MAPK14: variants seen among roughly 807,000 people sequenced by gnomAD.
MAPK14 encodes mitogen-activated protein kinase 14.
Under a neutral mutation model 49.6 loss-of-function variants are expected in MAPK14, and 16 were observed. The observed-to-expected ratio is 0.32, with a 90% CI of 0.22 to 0.49. MAPK14 has a LOEUF of 0.49. Among genes scored for constraint, MAPK14 ranks in the 20% least tolerant of loss-of-function variants. MAPK14 has a pLI of 0.99. For synonymous variants in MAPK14, 142 were observed against 158.0 expected (o/e 0.90, Z 0.76); for missense variants, 200 against 441.2 (o/e 0.45, Z 4.90).
chr6:36,124,146 C>T, the MAPK14 span, among the ~76,000 whole-genome samples: 966 of 41,596 alleles, frequency 0.023, 10 homozygotes, highest in Middle Eastern at 0.069. Flanking sequence ...CTCCCTCCCT[C>T]CCTCCCTTCC....
rs932218849 is a variant in MAPK14, at chr6:36,056,540, A to G, written c.247-2749A>G. On this transcript the variant is annotated intron_variant, in intron 2 of 11. Coordinates refer to ENST00000229794, the MANE Select transcript of MAPK14 (RefSeq NM_139012.3). ...TGGACCCAAGAAATCACAAACTGAT[A>G]CTGGGGTTCAAACTTACAGCTGCTT... Among the ~76,000 whole-genome samples, 6 of 152,230 alleles carry G rather than the reference A, an allele frequency of 3.9e-5. 1 individual carries two copies. In the East Asian group the frequency reaches 1.2e-3, roughly 29 times the overall value.
downstream of MAPK14, among the ~76,000 whole-genome samples, chr6:36,111,933 G>C (rs1229752534): frequency 6.6e-6 from 1 of 152,190 alleles, no homozygotes; most frequent in Non-Finnish European, 1.5e-5. Context: ...TTGGCCGGGC[G>C]TGGTGGCTCA....
the MAPK14 span, among the ~76,000 whole-genome samples, chr6:36,120,599 C>T: frequency 2.6e-5 from 4 of 151,902 alleles, no homozygotes; most frequent in African/African-American, 9.7e-5. Flanking sequence ...AAGTGTGTAT[C>T]CCCCGGCTGT....
intron 3 of MAPK14, among the ~76,000 whole-genome samples, chr6:36,062,085 TC>T (rs754903509): frequency 2.6e-5 from 4 of 152,016 alleles, no homozygotes; most frequent in Non-Finnish European, 5.9e-5. Flanking sequence ...CATGCAATCC[TC>T]CCACCTCAGT....
intron 1 of MAPK14, among the ~76,000 whole-genome samples, chr6:36,048,518 AGCATATTAGAAG>A (rs1042658601): frequency 1.5e-4 from 23 of 152,350 alleles, no homozygotes; most frequent in African/African-American, 5.5e-4. Flanking sequence ...GCATTTGGAA[AGCATATTAGAAG>A]GAGGTAGGCC....
At chr6:36,033,333 T>TC (rs1762613890) in intron 1 of MAPK14, among the ~76,000 whole-genome samples, 1 of 152,064 alleles carries the variant, frequency 6.6e-6, no homozygotes, top group African/African-American at 2.4e-5. Flanking sequence ...TTTTTTTTTT[T>TC]TGAGACGGAG....
At position 36,105,365 on chromosome 6, in the gene MAPK14, C is replaced by T. The variant is rs559510783; in HGVS notation, c.842-2090C>T. Among the ~76,000 whole-genome samples, 19 of 152,200 alleles carry T rather than the reference C, an allele frequency of 1.2e-4. No homozygotes were observed. In the East Asian group the frequency reaches 3.3e-3, roughly 26 times the overall value. On this transcript the variant is annotated intron_variant, in intron 10 of 11. Transcript: ENST00000229794. Reference sequence around the variant, plus strand: ...TTAAGTGATCCTTCCTCTTCCCTATCCCAAGTAGCTGAGACAACAGGCACA... The same window carrying T: ...TTAAGTGATCCTTCCTCTTCCCTATTCCAAGTAGCTGAGACAACAGGCACA...
At chr6:36,061,225 A>G (rs961807700) in intron 3 of MAPK14, among the ~76,000 whole-genome samples, 30 of 152,354 alleles carry the variant, frequency 2.0e-4, no homozygotes, top group Middle Eastern at 3.4e-3. Context: ...ATGGATTTAT[A>G]TAACAAAGGA....
At chr6:36,052,872 G>C (rs768718331) in intron 2 of MAPK14, 44 bp downstream of exon 2, 1 of 1,551,942 alleles carries the variant, frequency 6.4e-7, no homozygotes, top group South Asian at 1.2e-5. Flanking sequence ...ATCTTGAATA[G>C]ACTGGGGAAA....
chr6:36,100,234 C>T lies in MAPK14; in HGVS notation c.763-2337C>T, dbSNP rs201060351. ...TTATGCGTCTGACAGGAACACCCCC[C>T]GCTTATCTCATTAACAGGATGCCAA... On this transcript the variant is annotated intron_variant, in intron 9 of 11. Transcript: ENST00000229794. 63 of 1,613,708 alleles carry T rather than the reference C, an allele frequency of 3.9e-5. No individual in the cohort carries two copies. The highest frequency in any genetic ancestry group is 1.5e-4 in the South Asian group (14 of 91,086).
chr6:36,028,378 C>T lies in MAPK14; in HGVS notation c.116+105C>T, dbSNP rs1581715758. On this transcript the variant is annotated intron_variant, in intron 1 of 11. Transcript: ENST00000229794. The surrounding 1 kb of genome is among the most constrained non-coding windows in gnomAD (Gnocchi z 5.1). ...CGTTGCGTCAAGTGGCAGGAATTTTCCTCGGGGGAGGGCATTGCTGCCCCT... is the reference window on the plus strand; with the variant it reads ...CGTTGCGTCAAGTGGCAGGAATTTTTCTCGGGGGAGGGCATTGCTGCCCCT... 5 of 787,842 alleles carry T rather than the reference C, an allele frequency of 6.3e-6. No individual in the cohort carries two copies. The highest frequency in any genetic ancestry group is 1.7e-5 in the African/African-American group (1 of 57,448). 48.8% of individuals were successfully genotyped at this position (787,842 alleles called of 1,614,324 possible). A position where few individuals can be genotyped will look rare whatever the true frequency, so the allele number is the denominator to read the frequency against.
At chr6:36,108,010 T>C (rs1173095480) in intron 11 of MAPK14, among the ~76,000 whole-genome samples, 1 of 152,214 alleles carries the variant, frequency 6.6e-6, no homozygotes, top group East Asian at 1.9e-4. Flanking sequence ...AACCCATGTA[T>C]CCTGTGTCCA....
intron 1 of MAPK14, among the ~76,000 whole-genome samples, chr6:36,050,136 A>T (rs574179921): frequency 3.9e-5 from 6 of 152,208 alleles, no homozygotes; most frequent in Non-Finnish European, 8.8e-5. Flanking sequence ...TTCTTGTTCA[A>T]CCTCAGTTCC....
rs905431139 is a variant in MAPK14 at position 36,028,005 on chromosome 6, G to A, written c.-153G>A. 3 of 451,096 alleles carry A rather than the reference G, an allele frequency of 6.7e-6. No individual in the cohort carries two copies. Among genetic ancestry groups the A allele is most frequent in the East Asian group, 7.1e-5 (2 of 28,110 alleles). The allele number at this position is 451,096 out of a possible 1,614,324, so 27.9% of individuals were successfully genotyped here. The stretch of plus-strand genomic sequence containing the variant: ...TGCGGCTGACAGCAGCCGCGCGCGC[G>A]GGAGTCTGCGGGGTCGCGGCAGCCG... On this transcript the variant is annotated 5_prime_UTR_variant, in exon 1 of 12. Coordinates refer to ENST00000229794, the MANE Select transcript of MAPK14 (RefSeq NM_139012.3). The surrounding 1 kb of genome is among the most constrained non-coding windows in gnomAD (Gnocchi z 5.1).
chr6:36,096,287 A>T, intron 9 of MAPK14: 1 of 448,808 alleles, frequency 2.2e-6, no homozygotes, highest in Non-Finnish European at 4.0e-6. Flanking sequence ...CTGGGTACAC[A>T]CTAAGATCAC....
intron 1 of MAPK14, among the ~76,000 whole-genome samples, chr6:36,045,259 C>T (rs1242448855): frequency 6.6e-6 from 1 of 152,130 alleles, no homozygotes; most frequent in East Asian, 1.9e-4. Context: ...ATCTGAAACC[C>T]ACTATTATAT....
chr6:36,086,868 A>C (rs1765006648), intron 8 of MAPK14, among the ~76,000 whole-genome samples: 1 of 152,258 alleles, frequency 6.6e-6, no homozygotes, highest in African/African-American at 2.4e-5. Flanking sequence ...AATATCCCTG[A>C]TGAACATCGA....
At chr6:36,093,476 T>C (rs1765321800) in intron 8 of MAPK14, among the ~76,000 whole-genome samples, 1 of 152,040 alleles carries the variant, frequency 6.6e-6, no homozygotes, top group Non-Finnish European at 1.5e-5. Flanking sequence ...TCCCAGCCCT[T>C]TGGGAGGCCG....
intron 1 of MAPK14, among the ~76,000 whole-genome samples, chr6:36,051,107 C>G (rs959286712): frequency 1.3e-5 from 2 of 150,396 alleles, no homozygotes; most frequent in Admixed American, 6.6e-5. Context: ...CAGACAATTT[C>G]TGTTATTACT....
Sources: allele counts gnomAD v4.1 joint callset (sites outside exome capture counted in the v4.1 genomes callset), GRCh38; gene constraint gnomAD v4.1.1; non-coding constraint Gnocchi (gnomAD v3.1); transcripts MANE v1.5; gene names NCBI Gene and HGNC (gene_info 2026-07-23, HGNC 2026-07-21).